Variants in SLC9C2 observed in about 807,000 individuals in gnomAD.
SLC9C2 encodes the protein solute carrier family 9 member C2 (putative), also known as sodium/hydrogen exchanger 11.
In SLC9C2, 75 loss-of-function variants were observed where a neutral mutation model predicts 140.2. The ratio of observed to expected loss-of-function variants is 0.53; its 90% CI spans 0.44 to 0.65. SLC9C2 has a LOEUF of 0.65. Ranked by LOEUF, SLC9C2 falls within the 30% of genes least tolerant of loss-of-function variation. The pLI, the probability that SLC9C2 is intolerant of heterozygous loss-of-function variation, is 0.00. For synonymous variants in SLC9C2, 375 were observed against 420.9 expected, an observed-to-expected ratio of 0.89 and a Z score of 1.34; for missense variants, 1,074 against 1,331.8, an observed-to-expected ratio of 0.81 and a Z score of 3.01.
At chr1:173,531,963 C>T (rs1661606880) in intron 17 of SLC9C2, among the ~76,000 whole-genome samples, 1 of 152,224 alleles carries the variant, frequency 6.6e-6, no homozygotes, top group Non-Finnish European at 1.5e-5. Flanking sequence ...GGTGGAGTTA[C>T]ACCTTACATG....
At chr1:173,598,804 C>T (rs116545116) in intron 3 of SLC9C2, among the ~76,000 whole-genome samples, 215 of 152,242 alleles carry the variant, frequency 1.4e-3, no homozygotes, top group Middle Eastern at 0.01. Context: ...ACTTAGTAAA[C>T]ACTCTAAAGA....
At chr1:173,501,264 T>C (rs1244882933) in intron 27 of SLC9C2, among the ~76,000 whole-genome samples, 167 bp from the exon 28 acceptor site, 1 of 152,192 alleles carries the variant, frequency 6.6e-6, no homozygotes, top group East Asian at 1.9e-4. Flanking sequence ...TGCATATAAT[T>C]AATTACATGT....
At chr1:173,549,110 C>G (rs558213399) in intron 11 of SLC9C2, among the ~76,000 whole-genome samples, 260 of 152,272 alleles carry the variant, frequency 1.7e-3, no homozygotes, top group Non-Finnish European at 2.8e-3. Context: ...AACTACAAGG[C>G]TCACTTACCA....
intron 9 of SLC9C2, among the ~76,000 whole-genome samples, chr1:173,570,809 CA>C (rs1464047381): frequency 6.6e-6 from 1 of 152,118 alleles, no homozygotes; most frequent in South Asian, 2.1e-4. Flanking sequence ...TGTCACAGGG[CA>C]GCACTAAGTT....
intron 14 of SLC9C2, among the ~76,000 whole-genome samples, chr1:173,536,343 A>G (rs1661958317): frequency 6.6e-6 from 1 of 152,182 alleles, no homozygotes; most frequent in Non-Finnish European, 1.5e-5. Flanking sequence ...AATGTTATCT[A>G]TCACCCAGCC....
intron 7 of SLC9C2, among the ~76,000 whole-genome samples, chr1:173,581,165 G>A (rs140835537): frequency 3.9e-4 from 59 of 152,284 alleles, no homozygotes; most frequent in Middle Eastern, 6.8e-3. Flanking sequence ...TTGAAGAACC[G>A]AAGTTGCTTC....
chr1:173,541,847 C>T (rs1293109197), intron 13 of SLC9C2, among the ~76,000 whole-genome samples: 26 of 152,132 alleles, frequency 1.7e-4, no homozygotes, highest in Non-Finnish European at 3.5e-4. Flanking sequence ...ATCTCTGGGA[C>T]ACATTTAAAG....
chr1:173,601,741 G>A lies in SLC9C2; in HGVS notation c.36C>T (p.Asn12=). 3.1e-6 allele frequency: 5 copies of A among 1,614,062 alleles called. No individual in the cohort carries two copies. The highest frequency in any genetic ancestry group is 2.7e-5 in the African/African-American group (2 of 75,052). Residue 12 remains asparagine (N), a synonymous_variant, in exon 2 of 28, where the codon AAC becomes AAT. Coordinates refer to ENST00000367714, the MANE Select transcript of SLC9C2 (RefSeq NM_178527.4). Reference sequence around the variant, plus strand: ...GCTGCCCGCAGAGTAAATCAGGTCTGTTACTTTCATTTTGTGCCCAGAAGT... The same window carrying A: ...GCTGCCCGCAGAGTAAATCAGGTCTATTACTTTCATTTTGTGCCCAGAAGT... ...SSYFWAQNES[N]RPDLLCGQPA... is the part of the protein sequence containing the mutation.
At chr1:173,509,505 C>A in intron 24 of SLC9C2, 63 bp downstream of exon 24, 2 of 1,365,204 alleles carry the variant, frequency 1.5e-6, no homozygotes, top group South Asian at 2.8e-5. Flanking sequence ...ATATGAAATG[C>A]ATTTTGTAAA....
intron 7 of SLC9C2, among the ~76,000 whole-genome samples, chr1:173,581,251 T>C (rs1053443445): frequency 2.6e-5 from 4 of 152,178 alleles, no homozygotes; most frequent in Admixed American, 1.3e-4. Flanking sequence ...ACCGGGCACC[T>C]CAGTCAGGCC....
At chr1:173,563,140 A>T (rs987583871) in intron 9 of SLC9C2, among the ~76,000 whole-genome samples, 2 of 151,518 alleles carry the variant, frequency 1.3e-5, no homozygotes, top group Non-Finnish European at 2.9e-5. Flanking sequence ...CTGAAGAAAC[A>T]AGTATCTGAG....
chr1:173,537,160 A>T, intron 13 of SLC9C2, 121 bp from the exon 14 acceptor site: 1 of 705,630 alleles, frequency 1.4e-6, no homozygotes. Flanking sequence ...ATGCCATTAC[A>T]AAAAATTATG....
At chr1:173,528,844 A>G (rs527582713) in intron 18 of SLC9C2, among the ~76,000 whole-genome samples, 3 of 152,204 alleles carry the variant, frequency 2.0e-5, no homozygotes, top group Admixed American at 6.5e-5. Context: ...CCCCTCATTG[A>G]CACGTATGAA....
intron 13 of SLC9C2, among the ~76,000 whole-genome samples, chr1:173,545,621 T>C (rs1662790956): frequency 6.6e-6 from 1 of 152,162 alleles, no homozygotes; most frequent in Non-Finnish European, 1.5e-5. Context: ...CCAAGGAGCC[T>C]CTCGCCTGGA....
At chr1:173,512,093 C>A (rs1660096114) in intron 23 of SLC9C2, among the ~76,000 whole-genome samples, 1 of 152,156 alleles carries the variant, frequency 6.6e-6, no homozygotes. Flanking sequence ...CGTGATGCCT[C>A]CAGCTTTGTT....
chr1:173,524,695 T>C, intron 20 of SLC9C2, 84 bp downstream of exon 20: 1 of 1,484,836 alleles, frequency 6.7e-7, no homozygotes, highest in Non-Finnish European at 9.1e-7. Context: ...GTTAAACAAT[T>C]TTTTCAATCT....
chr1:173,550,916 G>C (rs1440241866), intron 11 of SLC9C2, among the ~76,000 whole-genome samples: 12 of 145,970 alleles, frequency 8.2e-5, no homozygotes, highest in Non-Finnish European at 1.2e-4. Context: ...GAGAAGGAAG[G>C]GAAGGGAAGA....
At chr1:173,561,545 G>A (rs576400168) in intron 9 of SLC9C2, among the ~76,000 whole-genome samples, 1 of 152,184 alleles carries the variant, frequency 6.6e-6, no homozygotes, top group African/African-American at 2.4e-5. Flanking sequence ...CTTCACACTG[G>A]GGGGAAGCTT....
intron 9 of SLC9C2, among the ~76,000 whole-genome samples, chr1:173,569,197 T>C (rs1387151404): frequency 6.6e-6 from 1 of 152,092 alleles, no homozygotes; most frequent in Non-Finnish European, 1.5e-5. Context: ...TTGTCTCCTC[T>C]GACTGCATAT....
Sources: allele counts gnomAD v4.1 joint callset (sites outside exome capture counted in the v4.1 genomes callset), GRCh38; gene constraint gnomAD v4.1.1; transcripts MANE v1.5; gene names NCBI Gene and HGNC (gene_info 2026-07-23, HGNC 2026-07-21).